Variants in EMB observed in about 807,000 individuals in gnomAD.
EMB encodes the protein embigin homolog.
Under a neutral mutation model 41.4 loss-of-function variants are expected in EMB, and 31 were observed. That is an observed-to-expected ratio of 0.75 (90% CI 0.56 to 1.01). EMB has a LOEUF of 1.01. EMB is among the 50% of genes least tolerant of loss of function. EMB has a pLI of 0.00. For missense variants in EMB, 379 were observed against 388.3 expected, an observed-to-expected ratio of 0.98 and a Z score of 0.20; for synonymous variants, 137 against 140.4, an observed-to-expected ratio of 0.98 and a Z score of 0.17.
chr5:50,411,312 A>C lies in EMB; in HGVS notation c.268T>G (p.Phe90Val), dbSNP rs376611469. The C allele has an allele frequency of 3.1e-6, 5 of 1,613,144 alleles. No individual in the cohort carries two copies. Among genetic ancestry groups the C allele is most frequent in the Non-Finnish European group, 2.5e-6 (3 of 1,179,434 alleles). The part of the protein sequence containing the change: ...RPSNVNLTCQ[F>V]TTSGDLNAVN... ...GCATTCAAATCCCCAGATGTTGTGA[A>C]CTGGCATGTGAGATTTACATTAGAA... Residue 90 changes from phenylalanine (F) to valine (V), a missense_variant, in exon 3 of 9, where the codon TTC (phenylalanine) becomes GTC (valine). By Grantham distance (50) the Phe-to-Val change is conservative (BLOSUM62 -1). Coordinates refer to ENST00000303221, the MANE Select transcript of EMB (RefSeq NM_198449.3).
chr5:50,410,547 A>T (rs1352929349), intron 4 of EMB, among the ~76,000 whole-genome samples: 3 of 152,148 alleles, frequency 2.0e-5, no homozygotes, highest in Non-Finnish European at 4.4e-5. Context: ...ACAATAACTT[A>T]GAAACGTGGA....
chr5:50,430,592 G>C (rs1278192904), intron 1 of EMB, among the ~76,000 whole-genome samples: 1 of 136,668 alleles, frequency 7.3e-6, no homozygotes, highest in East Asian at 2.2e-4. Flanking sequence ...AGGGGTTTGG[G>C]TCCATAATTT....
intron 2 of EMB, among the ~76,000 whole-genome samples, chr5:50,416,510 T>C (rs967389266): frequency 2.0e-5 from 3 of 152,184 alleles, no homozygotes; most frequent in African/African-American, 4.8e-5. Context: ...TTGTTCTTTA[T>C]TAAGAAAAAG....
chr5:50,411,688 T>C (rs907239275), intron 2 of EMB: 1 of 171,560 alleles, frequency 5.8e-6, no homozygotes, highest in East Asian at 1.5e-4. Flanking sequence ...ATGTGCCGTA[T>C]GCTCTGACAG....
At chr5:50,408,171 T>C (rs537690819) in intron 4 of EMB, among the ~76,000 whole-genome samples, 1 of 152,132 alleles carries the variant, frequency 6.6e-6, no homozygotes, top group East Asian at 1.9e-4. Flanking sequence ...TTTGGTACTA[T>C]CAAAATCTCA....
chr5:50,437,301 TA>T (rs1745820288), intron 1 of EMB, among the ~76,000 whole-genome samples: 2 of 152,080 alleles, frequency 1.3e-5, no homozygotes, highest in African/African-American at 4.8e-5. Flanking sequence ...AATGAATAAA[TA>T]AATAAAAGTA....
intron 5 of EMB, among the ~76,000 whole-genome samples, chr5:50,404,325 G>T (rs1226104525): frequency 1.3e-5 from 2 of 151,874 alleles, no homozygotes; most frequent in Non-Finnish European, 2.9e-5. Flanking sequence ...GCACAACACT[G>T]CCTGGAATGT....
intron 4 of EMB, among the ~76,000 whole-genome samples, chr5:50,406,382 GA>G (rs922035658): frequency 1.3e-5 from 2 of 151,552 alleles, no homozygotes; most frequent in Admixed American, 1.3e-4. Flanking sequence ...AAGAAAATAA[GA>G]TTTAAAAATT....
At position 50,399,035 on chromosome 5, in the gene EMB, T is replaced by A; in HGVS notation, c.*238A>T. On this transcript the variant is annotated 3_prime_UTR_variant, in exon 9 of 9. Transcript: ENST00000303221. ...TTTGAAGACCAGAATATAATTAATT[T>A]TATTCTGGTCTAACATATTTATTCT... 7.7e-6 allele frequency: 3 copies of A among 387,106 alleles called. No individual in the cohort carries two copies. The highest frequency in any genetic ancestry group is 1.4e-5 in the Non-Finnish European group (3 of 218,740). 24.0% of individuals were successfully genotyped at this position (387,106 alleles called of 1,614,324 possible).
chr5:50,430,836 C>G (rs1215867050), intron 1 of EMB, among the ~76,000 whole-genome samples: 6 of 152,128 alleles, frequency 3.9e-5, no homozygotes, highest in African/African-American at 1.4e-4. Context: ...GCTATTCTCC[C>G]TTACTGATCA....
At chr5:50,432,265 T>C (rs535159399) in intron 1 of EMB, among the ~76,000 whole-genome samples, 28 of 152,126 alleles carry the variant, frequency 1.8e-4, no homozygotes, top group Non-Finnish European at 4.1e-4. Context: ...CTGAACTTCA[T>C]TAAGAAAAAA....
At chr5:50,437,227 T>C (rs1443067514) in intron 1 of EMB, among the ~76,000 whole-genome samples, 2 of 152,176 alleles carry the variant, frequency 1.3e-5, no homozygotes, top group African/African-American at 2.4e-5. Flanking sequence ...GCCATGAGTG[T>C]GCCTCGGTAC....
At chr5:50,418,058 T>C (rs999156181) in intron 2 of EMB, among the ~76,000 whole-genome samples, 2 of 152,224 alleles carry the variant, frequency 1.3e-5, no homozygotes, top group Admixed American at 6.5e-5. Flanking sequence ...ACAATTCTGT[T>C]TGAATTCCAG....
intron 1 of EMB, among the ~76,000 whole-genome samples, chr5:50,432,278 G>A (rs1323822580): frequency 2.0e-5 from 3 of 152,132 alleles, no homozygotes; most frequent in African/African-American, 7.2e-5. Context: ...AGAAAAAAAT[G>A]TAAGAAGCAA....
intron 2 of EMB, among the ~76,000 whole-genome samples, chr5:50,414,158 C>A (rs551959545): frequency 6.6e-6 from 1 of 152,188 alleles, no homozygotes; most frequent in East Asian, 1.9e-4. Context: ...AAGCTCTTCT[C>A]ATTCTCAATA....
At chr5:50,436,949 T>C (rs1745813624) in intron 1 of EMB, among the ~76,000 whole-genome samples, 1 of 152,160 alleles carries the variant, frequency 6.6e-6, no homozygotes, top group African/African-American at 2.4e-5. Context: ...AGGGTAAAAA[T>C]GGTCATGCAT....
chr5:50,414,858 A>C (rs1745403317), intron 2 of EMB, among the ~76,000 whole-genome samples: 1 of 152,128 alleles, frequency 6.6e-6, no homozygotes, highest in Non-Finnish European at 1.5e-5. Flanking sequence ...GCCACACCAA[A>C]TTATTCCAAC....
chr5:50,427,861 A>T (rs1579739978), intron 2 of EMB, among the ~76,000 whole-genome samples: 1 of 152,222 alleles, frequency 6.6e-6, no homozygotes, highest in African/African-American at 2.4e-5. Flanking sequence ...TAATGAAAAC[A>T]TAAGAGTATC....
At chr5:50,415,569 T>C (rs1249059614) in intron 2 of EMB, among the ~76,000 whole-genome samples, 2 of 152,186 alleles carry the variant, frequency 1.3e-5, no homozygotes, top group African/African-American at 4.8e-5. Context: ...TATATGTTGA[T>C]TAAATAATTT....
Sources: allele counts gnomAD v4.1 joint callset (sites outside exome capture counted in the v4.1 genomes callset), GRCh38; gene constraint gnomAD v4.1.1; transcripts MANE v1.5; gene names NCBI Gene and HGNC (gene_info 2026-07-23, HGNC 2026-07-21).